Variants in C8orf34 observed in about 807,000 individuals in gnomAD.
C8orf34 encodes chromosome 8 open reading frame 34.
In C8orf34, 65 loss-of-function variants were observed where a neutral mutation model predicts 68.3. That is an observed-to-expected ratio of 0.95 (90% CI 0.78 to 1.17). The LOEUF is 1.17. Ranked by LOEUF, C8orf34 falls within the 50% of genes most tolerant of loss-of-function variation. The pLI is 0.00. For missense variants in C8orf34, 664 were observed against 655.4 expected, an observed-to-expected ratio of 1.01 and a Z score of -0.14; for synonymous variants, 244 against 241.2, an observed-to-expected ratio of 1.01 and a Z score of -0.11.
intron 5 of C8orf34, among the ~76,000 whole-genome samples, chr8:68,488,741 T>G (rs1383670340): frequency 1.3e-5 from 2 of 152,186 alleles, no homozygotes; most frequent in Non-Finnish European, 2.9e-5. Context: ...TCATTTAGAT[T>G]GTTTATTTTG....
chr8:68,460,367 C>T (rs1373384577), intron 3 of C8orf34, among the ~76,000 whole-genome samples: 2 of 152,202 alleles, frequency 1.3e-5, no homozygotes, highest in Admixed American at 6.5e-5. Context: ...GGGCAGGGCA[C>T]AGACAAACAA....
At chr8:68,447,777 A>C (rs1811183732) in intron 3 of C8orf34, 2 of 152,226 alleles carry the variant, frequency 1.3e-5, no homozygotes, top group South Asian at 4.1e-4. Flanking sequence ...TCTTGTGAGA[A>C]TTATATGAAG....
rs187239690 is a variant in C8orf34, at chr8:68,766,641, G to A, written c.1405-9758G>A. On this transcript the variant is annotated intron_variant, in intron 10 of 13. Coordinates refer to ENST00000518698, the MANE Select transcript of C8orf34 (RefSeq NM_052958.4). The stretch of plus-strand genomic sequence containing the variant: ...TAGACCGAAAGCTTTGGATCAAAGG[G>A]AATAGGCACATATCTTGGAGATATA... 7.6e-3 allele frequency among the ~76,000 whole-genome samples: 1,154 copies of A among 152,230 alleles called. 10 individuals are homozygous for A. The highest frequency in any genetic ancestry group is 0.017 in the South Asian group (80 of 4,830).
intron 1 of C8orf34, among the ~76,000 whole-genome samples, chr8:68,354,890 C>T (rs1380307098): frequency 6.6e-6 from 1 of 151,788 alleles, no homozygotes; most frequent in Non-Finnish European, 1.5e-5. Context: ...GATACTGTAG[C>T]GTCTAGGGGA....
chr8:68,608,470 G>C (rs1817920047), intron 7 of C8orf34, among the ~76,000 whole-genome samples: 1 of 151,850 alleles, frequency 6.6e-6, no homozygotes, highest in Non-Finnish European at 1.5e-5. Context: ...AGGATGGAGA[G>C]AGAATTCTTA....
At chr8:68,391,533 C>T (rs922288168) in intron 1 of C8orf34, among the ~76,000 whole-genome samples, 1 of 152,110 alleles carries the variant, frequency 6.6e-6, no homozygotes, top group African/African-American at 2.4e-5. Context: ...TCCTCTTCTG[C>T]GATTTGTTCT....
Position 68,554,217 on chromosome 8 carries a change from C to T in C8orf34, c.1105+21068C>T, listed in dbSNP as rs1003669606. 3.3e-5 allele frequency among the ~76,000 whole-genome samples: 5 copies of T among 152,160 alleles called. No homozygotes were observed. In the East Asian group the frequency reaches 9.7e-4, roughly 29 times the overall value. On this transcript the variant is annotated intron_variant, in intron 7 of 13. Coordinates refer to ENST00000518698, the MANE Select transcript of C8orf34 (RefSeq NM_052958.4). ...ACTTACAACTCTAGTTTATATTTTT[C>T]AGTAAGTTCTTCCTTGAAATTCCTA... is the stretch of plus-strand genomic sequence containing the variant.
At chr8:68,645,692 A>G (rs1819147393) in intron 8 of C8orf34, among the ~76,000 whole-genome samples, 1 of 152,202 alleles carries the variant, frequency 6.6e-6, no homozygotes, top group African/African-American at 2.4e-5. Flanking sequence ...GATATTATCA[A>G]CCGTCTTGAT....
At chr8:68,570,615 A>G (rs1040256739) in intron 7 of C8orf34, among the ~76,000 whole-genome samples, 1 of 152,184 alleles carries the variant, frequency 6.6e-6, no homozygotes, top group Non-Finnish European at 1.5e-5. Context: ...AAACTAGTAC[A>G]TTGGTTCCGA....
intron 10 of C8orf34, among the ~76,000 whole-genome samples, chr8:68,774,053 A>T (rs1339506274): frequency 6.6e-6 from 1 of 152,008 alleles, no homozygotes; most frequent in Non-Finnish European, 1.5e-5. Context: ...TAACCCTCAA[A>T]TGTGCAGAGG....
At chr8:68,450,908 C>T (rs1007605052) in intron 3 of C8orf34, among the ~76,000 whole-genome samples, 1 of 152,096 alleles carries the variant, frequency 6.6e-6, no homozygotes, top group Admixed American at 6.6e-5. Context: ...AAACTTGAAG[C>T]CAGGCATTGA....
intron 1 of C8orf34, among the ~76,000 whole-genome samples, chr8:68,368,116 A>C (rs1237973555): frequency 6.6e-6 from 1 of 152,122 alleles, no homozygotes; most frequent in African/African-American, 2.4e-5. Flanking sequence ...TCATTATGCC[A>C]GCCTCCTAGG....
chr8:68,413,747 C>G (rs1484167878), intron 1 of C8orf34, among the ~76,000 whole-genome samples: 2 of 152,220 alleles, frequency 1.3e-5, no homozygotes, highest in Non-Finnish European at 2.9e-5. Context: ...CCCTCACTTA[C>G]ACCACCACTA....
intron 5 of C8orf34, among the ~76,000 whole-genome samples, chr8:68,505,837 C>T (rs73266548): frequency 0.027 from 4,158 of 151,788 alleles, 201 homozygotes; most frequent in African/African-American, 0.094. Context: ...ATATCTGAAC[C>T]AAAACTGAAA....
chr8:68,416,072 T>C (rs1809652819), intron 1 of C8orf34, among the ~76,000 whole-genome samples: 2 of 152,210 alleles, frequency 1.3e-5, no homozygotes, highest in South Asian at 4.1e-4. Flanking sequence ...GCGTCATAGA[T>C]TAATTATTTT....
intron 12 of C8orf34, chr8:68,791,102 A>C (rs1260032297): frequency 1.9e-5 from 10 of 529,668 alleles, no homozygotes; most frequent in Non-Finnish European, 2.6e-5. Context: ...ACAGTGTATT[A>C]GTCGGTTTTC....
chr8:68,385,199 T>C lies in C8orf34; in HGVS notation c.327+53860T>C, dbSNP rs183432746. On this transcript the variant is annotated intron_variant, in intron 1 of 13. Transcript: ENST00000518698. ...TTATTTGATCCTTACCTCAACCTTA[T>C]GTGGTAATTTTGTCAGCCTCATTTT... Among the ~76,000 whole-genome samples, 394 of 152,256 alleles carry C rather than the reference T, an allele frequency of 2.6e-3. 1 individual carries two copies. Among genetic ancestry groups the C allele is most frequent in the Admixed American group, 5.6e-3 (86 of 15,292 alleles).
chr8:68,565,006 C>G (rs1816542607), intron 7 of C8orf34, among the ~76,000 whole-genome samples: 1 of 152,158 alleles, frequency 6.6e-6, no homozygotes, highest in South Asian at 2.1e-4. Flanking sequence ...CAGAATTATT[C>G]CCATAAAAAT....
At chr8:68,765,726 T>C (rs923944659) in intron 10 of C8orf34, among the ~76,000 whole-genome samples, 84 of 152,380 alleles carry the variant, frequency 5.5e-4, no homozygotes, top group Middle Eastern at 3.4e-3. Flanking sequence ...TGCTCATTCA[T>C]GCATTTTGCT....
Sources: allele counts gnomAD v4.1 joint callset (sites outside exome capture counted in the v4.1 genomes callset), GRCh38; gene constraint gnomAD v4.1.1; transcripts MANE v1.5; gene names NCBI Gene and HGNC (gene_info 2026-07-23, HGNC 2026-07-21).